PTPRJ: variants seen among roughly 807,000 people sequenced by gnomAD.
The protein encoded by PTPRJ is receptor-type tyrosine-protein phosphatase eta.
Under a neutral mutation model 141.3 loss-of-function variants are expected in PTPRJ, and 129 were observed. That is an observed-to-expected ratio of 0.91 (90% CI 0.79 to 1.06). The LOEUF (loss-of-function observed/expected upper bound fraction) is 1.06, where lower values mean the gene tolerates loss of function less well. Among genes scored for constraint, PTPRJ ranks in the 50% least tolerant of loss-of-function variants. PTPRJ has a pLI of 0.00. For missense variants in PTPRJ, 1,601 were observed against 1,679.7 expected (o/e 0.95, Z 0.82); for synonymous variants, 610 against 640.5 (o/e 0.95, Z 0.72).
intron 1 of PTPRJ, among the ~76,000 whole-genome samples, chr11:48,037,346 G>A (rs1343781377): frequency 6.6e-6 from 1 of 152,114 alleles, no homozygotes; most frequent in East Asian, 1.9e-4. Context: ...GTCAAACTGG[G>A]GAAAAGCCTC....
chr11:48,050,147 T>A (rs1389045068), intron 1 of PTPRJ, among the ~76,000 whole-genome samples: 19 of 152,226 alleles, frequency 1.2e-4, no homozygotes, highest in Admixed American at 1.2e-3. Flanking sequence ...TGAGAATGCG[T>A]GTTTTGTGGT....
At chr11:48,042,759 G>GGGGT (rs1555034413) in intron 1 of PTPRJ, among the ~76,000 whole-genome samples, 6 of 146,392 alleles carry the variant, frequency 4.1e-5, no homozygotes, top group Admixed American at 6.8e-5. Context: ...TGTGTGTAGG[G>GGGGT]GTGTGTGTGT....
intron 7 of PTPRJ, 38 bp from the exon 8 acceptor site, chr11:48,130,421 G>A: frequency 1.3e-6 from 2 of 1,574,342 alleles, no homozygotes; most frequent in South Asian, 1.2e-5. Flanking sequence ...TCCTGGAGAA[G>A]TATATTTTTA....
Position 47,986,857 on chromosome 11 carries a change from G to A in PTPRJ, c.96+5849G>A, listed in dbSNP as rs139260028. 2.3e-3 allele frequency among the ~76,000 whole-genome samples: 348 copies of A among 152,256 alleles called. 2 individuals are homozygous for A. Among genetic ancestry groups the A allele is most frequent in the African/African-American group, 8.0e-3 (333 of 41,554 alleles). ...TGAAGTGTTTTCCACAGAGTAGTAT[G>A]GAATAACTCTGGGTGTGTGCAAGAT... On this transcript the variant is annotated intron_variant, in intron 1 of 24. Coordinates refer to ENST00000418331, the MANE Select transcript of PTPRJ (RefSeq NM_002843.4).
chr11:48,028,826 G>A (rs1305100291), intron 1 of PTPRJ, among the ~76,000 whole-genome samples: 3 of 152,164 alleles, frequency 2.0e-5, no homozygotes, highest in Non-Finnish European at 4.4e-5. Flanking sequence ...CCTTGTGTGG[G>A]TGAATCAAAC....
At chr11:48,008,997 C>T (rs1277169800) in intron 1 of PTPRJ, among the ~76,000 whole-genome samples, 1 of 152,172 alleles carries the variant, frequency 6.6e-6, no homozygotes, top group Non-Finnish European at 1.5e-5. Flanking sequence ...GCTGATATTT[C>T]GTTGAAAGTC....
At chr11:48,074,026 C>G (rs993172189) in intron 1 of PTPRJ, among the ~76,000 whole-genome samples, 3 of 152,162 alleles carry the variant, frequency 2.0e-5, no homozygotes, top group African/African-American at 7.2e-5. Context: ...GTCACCCAGG[C>G]TGGAGTGCAG....
At chr11:48,065,633 T>C (rs949688846) in intron 1 of PTPRJ, among the ~76,000 whole-genome samples, 1 of 152,216 alleles carries the variant, frequency 6.6e-6, no homozygotes, top group African/African-American at 2.4e-5. Flanking sequence ...CATGCATTGT[T>C]TTACTTATAA....
At position 48,159,918 on chromosome 11, in the gene PTPRJ, AT is replaced by A; in HGVS notation, c.3439-8del. ...ATCTGAGTCTTCTTATAAAAATGCAATTTTGTTCTAGACCAAATGTGAGGAG... is the reference window on the plus strand; with the variant it reads ...ATCTGAGTCTTCTTATAAAAATGCAATTTGTTCTAGACCAAATGTGAGGAG... On this transcript the variant is annotated splice_polypyrimidine_tract_variant and intron_variant, in intron 21 of 24. Coordinates refer to ENST00000418331, the MANE Select transcript of PTPRJ (RefSeq NM_002843.4). The A allele has an allele frequency of 6.2e-7, 1 of 1,613,276 alleles. No individual in the cohort carries two copies. The highest frequency in any genetic ancestry group is 1.7e-5 in the Admixed American group (1 of 60,000).
At chr11:48,143,627 G>A (rs1228912544) in intron 12 of PTPRJ, among the ~76,000 whole-genome samples, 2 of 152,160 alleles carry the variant, frequency 1.3e-5, no homozygotes, top group African/African-American at 4.8e-5. Context: ...GAGAAGAGGT[G>A]GATTAAAAGC....
intron 1 of PTPRJ, among the ~76,000 whole-genome samples, chr11:48,020,550 G>A (rs1028526559): frequency 2.6e-5 from 4 of 152,136 alleles, no homozygotes; most frequent in African/African-American, 9.7e-5. Context: ...TGGAGATCTC[G>A]TAAATGAACG....
At chr11:48,013,453 T>C (rs1005201139) in intron 1 of PTPRJ, among the ~76,000 whole-genome samples, 1 of 152,092 alleles carries the variant, frequency 6.6e-6, no homozygotes, top group Non-Finnish European at 1.5e-5. Flanking sequence ...TGAAGGCCAG[T>C]GGGGGAGATG....
chr11:48,095,241 C>A (rs1436433320), intron 1 of PTPRJ, among the ~76,000 whole-genome samples: 1 of 152,080 alleles, frequency 6.6e-6, no homozygotes, highest in Non-Finnish European at 1.5e-5. Context: ...GAAGTTTAAG[C>A]CCATGAAAGG....
intron 8 of PTPRJ, among the ~76,000 whole-genome samples, chr11:48,134,873 C>G (rs1857053069): frequency 6.6e-6 from 1 of 152,190 alleles, no homozygotes; most frequent in Admixed American, 6.5e-5. Context: ...TGCCTGTTTT[C>G]TTCCCTTCCT....
chr11:48,140,021 C>G (rs1270256898), intron 11 of PTPRJ, among the ~76,000 whole-genome samples: 1 of 152,116 alleles, frequency 6.6e-6, no homozygotes, highest in Non-Finnish European at 1.5e-5. Context: ...AACTCATTGC[C>G]TCATTGCCAT....
intron 1 of PTPRJ, among the ~76,000 whole-genome samples, chr11:48,004,543 C>T: frequency 6.6e-6 from 1 of 152,090 alleles, no homozygotes; most frequent in East Asian, 1.9e-4. Flanking sequence ...ATGGGCTGGT[C>T]AGAGTTTCAA....
At chr11:48,028,590 A>G (rs1214918771) in intron 1 of PTPRJ, among the ~76,000 whole-genome samples, 2 of 152,200 alleles carry the variant, frequency 1.3e-5, no homozygotes, top group Admixed American at 1.3e-4. Flanking sequence ...CAGGAGTTTG[A>G]GACCAGCCTG....
intron 1 of PTPRJ, among the ~76,000 whole-genome samples, chr11:48,047,581 G>A (rs1854443644): frequency 6.6e-6 from 1 of 150,762 alleles, no homozygotes; most frequent in Admixed American, 6.6e-5. Flanking sequence ...TCAGCTCACT[G>A]CAACCTCTGC....
intron 8 of PTPRJ, among the ~76,000 whole-genome samples, chr11:48,131,272 A>G (rs1191560776): frequency 6.6e-6 from 1 of 151,724 alleles, no homozygotes; most frequent in African/African-American, 2.4e-5. Context: ...TAGTAGAGAC[A>G]GGGTTTCGCC....
Sources: gnomAD v4.1 joint callset for allele counts (sites outside exome capture counted in the v4.1 genomes callset) on GRCh38, gnomAD v4.1.1 for gene constraint, MANE v1.5 for transcripts, NCBI Gene and HGNC (gene_info 2026-07-23, HGNC 2026-07-21) for gene names.